Variants in TEKT1 observed in about 807,000 individuals in gnomAD.
The protein encoded by TEKT1 is tektin 1, also known as tektin-1.
TEKT1 carries 32 observed loss-of-function variants against 34.8 expected under a neutral mutation model. The observed-to-expected ratio is 0.92, with a 90% CI of 0.69 to 1.23. The LOEUF (loss-of-function observed/expected upper bound fraction) is 1.23. Among genes scored for constraint, TEKT1 ranks in the 50% most tolerant of loss-of-function variants. TEKT1 has a pLI of 0.00. For missense variants in TEKT1, 492 were observed against 518.5 expected (o/e 0.95, Z 0.50); for synonymous variants, 207 against 199.8 (o/e 1.04, Z -0.30).
At chr17:6,821,430 A>G (rs1433384162) in intron 2 of TEKT1, among the ~76,000 whole-genome samples, 1 of 152,176 alleles carries the variant, frequency 6.6e-6, no homozygotes, top group Non-Finnish European at 1.5e-5. Flanking sequence ...GCCTTCCACC[A>G]TGATTATAAG....
At chr17:6,805,589 C>T (rs1976832901) in intron 6 of TEKT1, among the ~76,000 whole-genome samples, 1 of 152,176 alleles carries the variant, frequency 6.6e-6, no homozygotes, top group Admixed American at 6.5e-5. Flanking sequence ...TTCCTGCTTT[C>T]TCTTGTGGGC....
chr17:6,816,234 ATTTTTT>A, intron 3 of TEKT1, among the ~76,000 whole-genome samples: 1 of 151,760 alleles, frequency 6.6e-6, no homozygotes, highest in Non-Finnish European at 1.5e-5. Flanking sequence ...TTTTCTTTGT[ATTTTTT>A]TTAAATTATA....
intron 2 of TEKT1, among the ~76,000 whole-genome samples, chr17:6,826,899 G>A (rs538888747): frequency 1.3e-5 from 2 of 152,146 alleles, no homozygotes; most frequent in Admixed American, 1.3e-4. Flanking sequence ...GTTTCACCAT[G>A]CTAGCCAGGA....
chr17:6,813,561 C>G (rs1976957743), intron 5 of TEKT1, among the ~76,000 whole-genome samples: 1 of 145,642 alleles, frequency 6.9e-6, no homozygotes, highest in Non-Finnish European at 1.5e-5. Flanking sequence ...GACACACACA[C>G]ACACACACAC....
intron 2 of TEKT1, among the ~76,000 whole-genome samples, chr17:6,821,746 G>A (rs556095710): frequency 1.1e-3 from 171 of 152,264 alleles, no homozygotes; most frequent in African/African-American, 3.7e-3. Flanking sequence ...CAGTGATATG[G>A]ACAATGAAGT....
Position 6,799,942 on chromosome 17 carries a change from C to A in TEKT1, c.*85G>T. The A allele has an allele frequency of 1.5e-6, 2 of 1,354,182 alleles. No individual in the cohort carries two copies. The highest frequency in any genetic ancestry group is 4.8e-5 in the East Asian group (2 of 41,680). The allele number at this position is 1,354,182 out of a possible 1,614,324, so 83.9% of individuals were successfully genotyped here. ...GAGGTTGCAGCAGGCTGGCTAGAGG[C>A]CCCGCCAGCCTGAAATGAGAGCTCT... On this transcript the variant is annotated 3_prime_UTR_variant, in exon 8 of 8. Coordinates refer to ENST00000338694, the MANE Select transcript of TEKT1 (RefSeq NM_053285.2).
At chr17:6,826,182 T>G (rs1193148089) in intron 2 of TEKT1, among the ~76,000 whole-genome samples, 2 of 152,206 alleles carry the variant, frequency 1.3e-5, no homozygotes, top group Non-Finnish European at 2.9e-5. Context: ...TGATTTTAAT[T>G]TGTATGTCCC....
At chr17:6,830,872 T>C (rs1347051708) in intron 1 of TEKT1, among the ~76,000 whole-genome samples, 1 of 152,150 alleles carries the variant, frequency 6.6e-6, no homozygotes, top group Admixed American at 6.5e-5. Flanking sequence ...ATAATGAGAA[T>C]GCTATTAATA....
chr17:6,806,859 C>G (rs962983643), intron 6 of TEKT1, among the ~76,000 whole-genome samples: 2 of 152,142 alleles, frequency 1.3e-5, no homozygotes, highest in African/African-American at 4.8e-5. Flanking sequence ...ATGGGCTTCC[C>G]TTTGTGGGTA....
At position 6,800,922 on chromosome 17, in the gene TEKT1, G is replaced by T. The variant is rs202065430; in HGVS notation, c.874C>A (p.Gln292Lys). Residue 292 changes from glutamine to lysine, a missense_variant, in exon 7 of 8, where the codon CAG (glutamine) becomes AAG (lysine). Gln to Lys is a moderately conservative substitution (Grantham distance 53, BLOSUM62 1). Coordinates refer to ENST00000338694, the MANE Select transcript of TEKT1 (RefSeq NM_053285.2). ...TCAAGAGCTGTAATATTTTTCTCCT[G>T]GGAAGCAATCTCTTCCATGACCTTA... is the stretch of plus-strand genomic sequence containing the variant. ...LAKVMEEIAS[Q>K]EKNITALEKA... The T allele has an allele frequency of 1.3e-5, 21 of 1,613,710 alleles. No homozygotes were observed. In the East Asian group the frequency reaches 3.3e-4, roughly 26 times the overall value.
chr17:6,798,641 T>C lies in TEKT1; in HGVS notation c.*1386A>G, dbSNP rs1033676390. On this transcript the variant is annotated 3_prime_UTR_variant, in exon 8 of 8. Coordinates refer to ENST00000338694, the MANE Select transcript of TEKT1 (RefSeq NM_053285.2). ...CAGAATTAAGCCAGTGCTTTTGGCC[T>C]CAAAGGGGGTTTCTCCATCCCAGAT... 6.6e-6 allele frequency: 1 copy of C among 152,198 alleles called. No individual in the cohort carries two copies. The highest frequency in any genetic ancestry group is 1.5e-5 in the Non-Finnish European group (1 of 68,042). 9.4% of individuals were successfully genotyped at this position (152,198 alleles called of 1,614,324 possible).
intron 6 of TEKT1, among the ~76,000 whole-genome samples, chr17:6,803,286 G>T (rs1230220439): frequency 1.3e-5 from 2 of 152,068 alleles, no homozygotes; most frequent in East Asian, 3.9e-4. Flanking sequence ...CATATCCTTT[G>T]CCCACTTTTT....
In TEKT1 at chr17:6,830,389, A is replaced by G. The variant is rs78604508; in HGVS notation, c.-13T>C. 3,478 of 1,546,868 alleles carry G rather than the reference A, an allele frequency of 2.2e-3. 53 individuals carry two copies. In the African/African-American group the frequency reaches 0.042, roughly 19 times the overall value. On this transcript the variant is annotated 5_prime_UTR_variant, in exon 2 of 8. Transcript: ENST00000338694. The stretch of plus-strand genomic sequence containing the variant: ...ATAGTTTAGCCATTTGAGGTTTCCA[A>G]ATTCCTGATCAAAAGCAGACTCTTT...
rs779912636 is a variant in TEKT1 at position 6,828,478 on chromosome 17, A to G, written c.190+1709T>C. ...TTATAAATAAATTAAGTCAGTTACC[A>G]ACATTTAAAACGTGAATAAATTCCT... is the stretch of plus-strand genomic sequence containing the variant. On this transcript the variant is annotated intron_variant, in intron 2 of 7. Transcript: ENST00000338694. 4.6e-5 allele frequency among the ~76,000 whole-genome samples: 7 copies of G among 152,330 alleles called. 1 individual carries two copies. The Middle Eastern group carries it at 0.014, about 296-fold the overall frequency.
chr17:6,815,188 C>G lies in TEKT1; in HGVS notation c.604G>C (p.Glu202Gln). The G allele has an allele frequency of 6.2e-7, 1 of 1,613,884 alleles. No homozygotes were observed. The highest frequency in any genetic ancestry group is 1.1e-5 in the South Asian group (1 of 91,016). The change falls in exon 5 of 8, where the codon GAG becomes CAG. Residue 202 changes from glutamate to glutamine, a missense_variant. Coordinates refer to ENST00000338694, the MANE Select transcript of TEKT1 (RefSeq NM_053285.2). ...NNNSPNIRYS[E>Q]NAVRIEPNSV... ...TTTGGCTCAATCCTCACGGCGTTCTCAGAATATCTGATGTTTGGTGAGTTG... is the reference window on the plus strand; with the variant it reads ...TTTGGCTCAATCCTCACGGCGTTCTGAGAATATCTGATGTTTGGTGAGTTG...
At chr17:6,803,388 A>C (rs531340478) in intron 6 of TEKT1, among the ~76,000 whole-genome samples, 1 of 152,052 alleles carries the variant, frequency 6.6e-6, no homozygotes, top group South Asian at 2.1e-4. Context: ...GACTGCAAAA[A>C]TTTTCTTCCA....
intron 5 of TEKT1, among the ~76,000 whole-genome samples, chr17:6,814,494 T>G (rs1976975414): frequency 6.6e-6 from 1 of 152,226 alleles, no homozygotes; most frequent in Non-Finnish European, 1.5e-5. Context: ...CACATGTACA[T>G]ATGTTTGTAT....
At chr17:6,804,431 T>C (rs1010107120) in intron 6 of TEKT1, among the ~76,000 whole-genome samples, 1 of 151,944 alleles carries the variant, frequency 6.6e-6, no homozygotes, top group African/African-American at 2.4e-5. Flanking sequence ...CTTCCTCTTT[T>C]CCTAATTGAA....
chr17:6,828,088 A>G (rs1904462518), intron 2 of TEKT1, among the ~76,000 whole-genome samples: 2 of 151,962 alleles, frequency 1.3e-5, no homozygotes, highest in South Asian at 2.1e-4. Context: ...GGGACTACAG[A>G]TGCATGCCAC....
Sources: gnomAD v4.1 joint callset for allele counts (sites outside exome capture counted in the v4.1 genomes callset) on GRCh38, gnomAD v4.1.1 for gene constraint, MANE v1.5 for transcripts, NCBI Gene and HGNC (gene_info 2026-07-23, HGNC 2026-07-21) for gene names.